Variants in TAP2 observed in about 807,000 individuals in gnomAD.
TAP2 encodes the protein antigen peptide transporter 2.
TAP2 carries 49 observed loss-of-function variants against 74.7 expected under a neutral mutation model. The ratio of observed to expected loss-of-function variants is 0.66; its 90% CI spans 0.52 to 0.83. The LOEUF (loss-of-function observed/expected upper bound fraction) is 0.83. Among genes scored for constraint, TAP2 ranks in the 40% least tolerant of loss-of-function variants. TAP2 has a pLI of 0.00. For missense variants in TAP2, 739 were observed against 859.0 expected (o/e 0.86, Z 1.75); for synonymous variants, 306 against 368.4 (o/e 0.83, Z 1.94).
At chr6:32,822,323 A>G (rs779593260), downstream of TAP2, 56 of 1,418,922 alleles carry the variant, frequency 3.9e-5, no homozygotes, top group East Asian at 1.0e-3. Context: ...GGTTTTCTAG[A>G]AAAAAAAAAC....
rs1173159191 is a variant in TAP2 at position 32,830,334 on chromosome 6, G to A, written c.1568C>T (p.Thr523Ile). The change falls in exon 9 of 12, where the codon ACA (threonine) becomes ATA (isoleucine). Residue 523 changes from threonine to isoleucine, a missense_variant. Thr to Ile is a moderately conservative substitution (Grantham distance 89). Transcript: ENST00000374897. ...AALLQNLYQPTGGQVLLDEKP... is the reference protein window; with the variant it reads ...AALLQNLYQPIGGQVLLDEKP... ...TTCATCCAGCAGCACCTGTCCCCCT[G>A]TGGGCTGGTACAGATTCTGCAGCAG... 5 of 1,613,074 alleles carry A rather than the reference G, an allele frequency of 3.1e-6. No individual in the cohort carries two copies. Among genetic ancestry groups the A allele is most frequent in the South Asian group, 1.1e-5 (1 of 91,090 alleles).
At position 32,828,051 on chromosome 6, in the gene TAP2, G is replaced by A. The variant is rs1208137904; in HGVS notation, c.*855C>T. The A allele has an allele frequency of 2.1e-6, 2 of 963,676 alleles. No individual in the cohort carries two copies. The highest frequency in any genetic ancestry group is 2.5e-6 in the Non-Finnish European group (2 of 810,414). The allele number at this position is 963,676 out of a possible 1,614,324, so 59.7% of individuals were successfully genotyped here. A position where few individuals can be genotyped will look rare whatever the true frequency, so the allele number is the denominator to read the frequency against. ...ATGCAATATAATTGATTGGGTCAGG[G>A]TGTGGACTCTAGGGTCAGGCCTGTG... is the stretch of plus-strand genomic sequence containing the variant. On this transcript the variant is annotated 3_prime_UTR_variant, in exon 12 of 12. Transcript: ENST00000374897.
In TAP2 at chr6:32,837,660, G is replaced by A; in HGVS notation, c.494-9C>T. On this transcript the variant is annotated splice_polypyrimidine_tract_variant and intron_variant, in intron 2 of 11. Coordinates refer to ENST00000374897, the MANE Select transcript of TAP2 (RefSeq NM_001290043.2). ...AGGGATTAATGTCTCACCTGAAAGA[G>A]GCATGAAAAATAACACAAGAATGTG... is the stretch of plus-strand genomic sequence containing the variant. 1.2e-6 allele frequency: 2 copies of A among 1,614,056 alleles called. No individual in the cohort carries two copies. The highest frequency in any genetic ancestry group is 8.5e-7 in the Non-Finnish European group (1 of 1,179,944).
In TAP2 at chr6:32,832,157, T is replaced by C; in HGVS notation, c.1272+176A>G. On this transcript the variant is annotated intron_variant, in intron 7 of 11. Transcript: ENST00000374897. The surrounding 1 kb of genome is among the most constrained non-coding windows in gnomAD (Gnocchi z 5.9). Reference sequence around the variant, plus strand: ...AAGCACAGGATGTATACATGTGAGTTTGTAATATTATTTTGTCTCATTTTT... The same window carrying C: ...AAGCACAGGATGTATACATGTGAGTCTGTAATATTATTTTGTCTCATTTTT... 1.2e-6 allele frequency: 1 copy of C among 843,384 alleles called. No homozygotes were observed. The highest frequency in any genetic ancestry group is 1.8e-6 in the Non-Finnish European group (1 of 540,666). 52.2% of individuals were successfully genotyped at this position (843,384 alleles called of 1,614,324 possible).
At chr6:32,823,516 G>T (rs1034861158), downstream of TAP2, among the ~76,000 whole-genome samples, 1 of 110,198 alleles carries the variant, frequency 9.1e-6, no homozygotes. Flanking sequence ...CTTCCCTTTT[G>T]TTTGCCTTCT....
chr6:32,835,011 T>C lies in TAP2; in HGVS notation c.945+143A>G. On this transcript the variant is annotated intron_variant, in intron 5 of 11. Coordinates refer to ENST00000374897, the MANE Select transcript of TAP2 (RefSeq NM_001290043.2). This position sits in a 1 kb window ranked among gnomAD's most constrained non-coding sequence, Gnocchi z 4.0. ...GTTGGATGGCTGGACAAACAAAATG[T>C]AGTATATACTACAATATACCTTCTC... 4.8e-6 allele frequency: 4 copies of C among 835,124 alleles called. No individual in the cohort carries two copies. Among genetic ancestry groups the C allele is most frequent in the Non-Finnish European group, 7.9e-6 (4 of 504,958 alleles). 51.7% of individuals were successfully genotyped at this position (835,124 alleles called of 1,614,324 possible).
At chr6:32,825,143 T>TATATATATATATATATATATAC (rs1452768240), downstream of TAP2, among the ~76,000 whole-genome samples, 2 of 150,752 alleles carry the variant, frequency 1.3e-5, no homozygotes, top group Non-Finnish European at 3.0e-5. Flanking sequence ...CATATATATA[T>TATATATATATATATATATATAC]ATATGGAGAA....
chr6:32,829,468 C>T lies in TAP2; in HGVS notation c.1864G>A (p.Val622Ile). The T allele has an allele frequency of 6.2e-7, 1 of 1,613,966 alleles. No individual in the cohort carries two copies. Residue 622 changes from valine (V) to isoleucine (I), a missense_variant, in exon 11 of 12, where the codon GTA (valine) becomes ATA (isoleucine). Transcript: ENST00000374897. ...KQRLAIARAL[V>I]RDPRVLILDE... is the part of the protein sequence containing the mutation. Reference sequence around the variant, plus strand: ...AGGATGAGGACCCGCGGGTCTCGTACAAGGGCCCGGGCAATGGCCAGACGT... The same window carrying T: ...AGGATGAGGACCCGCGGGTCTCGTATAAGGGCCCGGGCAATGGCCAGACGT...
downstream of TAP2, among the ~76,000 whole-genome samples, chr6:32,822,679 C>T (rs1473169939): frequency 6.6e-6 from 1 of 151,688 alleles, no homozygotes; most frequent in African/African-American, 2.4e-5. Flanking sequence ...ACCACAGGCA[C>T]GAGCCACCAC....
chr6:32,825,242 G>T (rs1768570353), downstream of TAP2, among the ~76,000 whole-genome samples: 1 of 151,656 alleles, frequency 6.6e-6, no homozygotes, highest in African/African-American at 2.4e-5. Flanking sequence ...TATTTGTAAT[G>T]TATATATTGG....
chr6:32,830,555 G>C lies in TAP2; in HGVS notation c.1461+63C>G. ...CAGAGGCAAATGAACTATAGGCTGTGATGTCCAATTATGCATTAGCAGCAG... is the reference window on the plus strand; with the variant it reads ...CAGAGGCAAATGAACTATAGGCTGTCATGTCCAATTATGCATTAGCAGCAG... On this transcript the variant is annotated intron_variant, in intron 8 of 11. Coordinates refer to ENST00000374897, the MANE Select transcript of TAP2 (RefSeq NM_001290043.2). The C allele has an allele frequency of 1.9e-6, 3 of 1,608,032 alleles. No homozygotes were observed. The East Asian group carries it at 6.7e-5, about 36-fold the overall frequency.
At position 32,835,511 on chromosome 6, in the gene TAP2, T is replaced by C; in HGVS notation, c.739+132A>G. 1 of 1,484,342 alleles carries C rather than the reference T, an allele frequency of 6.7e-7. No individual in the cohort carries two copies. The highest frequency in any genetic ancestry group is 9.3e-7 in the Non-Finnish European group (1 of 1,077,674). 91.9% of individuals were successfully genotyped at this position (1,484,342 alleles called of 1,614,324 possible). A position where few individuals can be genotyped will look rare whatever the true frequency, so the allele number is the denominator to read the frequency against. On this transcript the variant is annotated intron_variant, in intron 4 of 11. Transcript: ENST00000374897. This position sits in a 1 kb window ranked among gnomAD's most constrained non-coding sequence, Gnocchi z 4.0. ...GACAGTGGAGGCTGCTTCTCCACCC[T>C]GTCCCAAACAAGAGAAAAGCATCCC...
chr6:32,825,666 T>A lies in TAP2; in HGVS notation c.*3240A>T. 1 of 152,178 alleles carries A rather than the reference T, an allele frequency of 6.6e-6. No individual in the cohort carries two copies. Among genetic ancestry groups the A allele is most frequent in the East Asian group, 1.9e-4 (1 of 5,208 alleles). 9.4% of individuals were successfully genotyped at this position (152,178 alleles called of 1,614,324 possible). On this transcript the variant is annotated 3_prime_UTR_variant, in exon 12 of 12. Transcript: ENST00000374897. ...GTATACTTCTTTGTGTCTTTTGAAT[T>A]TCAAACCACATTCATATATTGCTTA...
At position 32,835,387 on chromosome 6, in the gene TAP2, A is replaced by G. The variant is rs143424314; in HGVS notation, c.740-28T>C. Reference sequence around the variant, plus strand: ...AAGAAGGACAGAGCAGGTGAGGAAAAAGGAAACCATGTGTACTGCAGGGCC... The same window carrying G: ...AAGAAGGACAGAGCAGGTGAGGAAAGAGGAAACCATGTGTACTGCAGGGCC... On this transcript the variant is annotated intron_variant, in intron 4 of 11. Transcript: ENST00000374897. The surrounding 1 kb of genome is among the most constrained non-coding windows in gnomAD (Gnocchi z 4.0). The G allele has an allele frequency of 3.5e-3, 5,584 of 1,612,240 alleles. 64 individuals carry two copies. Among genetic ancestry groups the G allele is most frequent in the African/African-American group, 0.029 (2,166 of 74,984 alleles).
Position 32,837,943 on chromosome 6 carries a change from G to T in TAP2, c.291C>A (p.Ala97=). 6.2e-7 allele frequency: 1 copy of T among 1,612,854 alleles called. No individual in the cohort carries two copies. Among genetic ancestry groups the T allele is most frequent in the Non-Finnish European group, 8.5e-7 (1 of 1,179,956 alleles). ...SRAPPARVAS[A]PWSWLLVGYG... is the part of the protein sequence containing the mutation. Reference sequence around the variant, plus strand: ...ACCCCACCAGCAGCCAGCTCCAAGGGGCTGAAGCGACTCTGGCTGGGGGAG... The same window carrying T: ...ACCCCACCAGCAGCCAGCTCCAAGGTGCTGAAGCGACTCTGGCTGGGGGAG... Residue 97 remains alanine (A), a synonymous_variant, in exon 2 of 12, where the codon GCC becomes GCA. Transcript: ENST00000374897.
At chr6:32,838,415 CT>C (rs1479223920) in intron 1 of TAP2, 178 bp from the exon 2 acceptor site, 1 of 435,594 alleles carries the variant, frequency 2.3e-6, no homozygotes, top group Non-Finnish European at 3.0e-6. Flanking sequence ...CGACAGACAG[CT>C]TTCGGCCTTC....
At position 32,826,275 on chromosome 6, in the gene TAP2, G is replaced by A. The variant is rs757521213; in HGVS notation, c.*2631C>T. On this transcript the variant is annotated 3_prime_UTR_variant, in exon 12 of 12. Coordinates refer to ENST00000374897, the MANE Select transcript of TAP2 (RefSeq NM_001290043.2). ...TGCTGTTTCCACATAGGGCCGGGCA[G>A]ACAGGCTATGGAGGTGTTTTGGCAT... 4 of 985,480 alleles carry A rather than the reference G, an allele frequency of 4.1e-6. No homozygotes were observed. Among genetic ancestry groups the A allele is most frequent in the Non-Finnish European group, 4.8e-6 (4 of 829,956 alleles). The allele number at this position is 985,480 out of a possible 1,614,324, so 61.0% of individuals were successfully genotyped here.
intron 10 of TAP2, 122 bp from the exon 11 acceptor site, chr6:32,829,658 G>T: frequency 6.8e-7 from 1 of 1,479,558 alleles, no homozygotes; most frequent in South Asian, 1.2e-5. Flanking sequence ...CCCAGTGCGG[G>T]GAGGGCCCAG....
chr6:32,827,650 A>G lies in TAP2; in HGVS notation c.*1256T>C. ...AATGGGCAAGAAAACACCATATGCA[A>G]AGGCACAAAGGTGTTGGGGAAGGCA... On this transcript the variant is annotated 3_prime_UTR_variant, in exon 12 of 12. Transcript: ENST00000374897. The G allele has an allele frequency of 1.3e-6, 1 of 798,676 alleles. No individual in the cohort carries two copies. Among genetic ancestry groups the G allele is most frequent in the Non-Finnish European group, 1.5e-6 (1 of 661,058 alleles). The allele number at this position is 798,676 out of a possible 1,614,324, so 49.5% of individuals were successfully genotyped here.
Sources: gnomAD v4.1 joint callset for allele counts (sites outside exome capture counted in the v4.1 genomes callset) on GRCh38, gnomAD v4.1.1 for gene constraint, Gnocchi (gnomAD v3.1) non-coding constraint, MANE v1.5 for transcripts, NCBI Gene and HGNC (gene_info 2026-07-23, HGNC 2026-07-21) for gene names.